MACROD2: variants seen among roughly 807,000 people sequenced by gnomAD.
The protein encoded by MACROD2 is ADP-ribose glycohydrolase MACROD2.
A neutral mutation model predicts 70.4 loss-of-function variants in MACROD2; 36 were observed. The ratio of observed to expected loss-of-function variants is 0.51; its 90% CI spans 0.39 to 0.68. The LOEUF is 0.68. Ranked by LOEUF, MACROD2 falls within the 30% of genes least tolerant of loss-of-function variation. MACROD2 has a pLI of 0.00. For missense variants in MACROD2, 496 were observed against 538.4 expected (o/e 0.92, Z 0.78); for synonymous variants, 172 against 178.8 (o/e 0.96, Z 0.30).
At chr20:15,923,354 T>C (rs563804706) in intron 10 of MACROD2, among the ~76,000 whole-genome samples, 2 of 152,242 alleles carry the variant, frequency 1.3e-5, no homozygotes, top group Admixed American at 6.5e-5. Context: ...ACCCATCAGA[T>C]CTCATGAGAC....
chr20:15,283,904 C>G (rs534725659), intron 6 of MACROD2, among the ~76,000 whole-genome samples: 27 of 152,184 alleles, frequency 1.8e-4, no homozygotes, highest in African/African-American at 6.5e-4. Context: ...ATGGTCATCT[C>G]CTTTCCTAAA....
intron 5 of MACROD2, among the ~76,000 whole-genome samples, chr20:14,947,642 C>T (rs374287606): frequency 5.3e-5 from 8 of 152,166 alleles, no homozygotes; most frequent in Admixed American, 4.6e-4. Context: ...GCCTACCCCC[C>T]ACCCTGCAGA....
rs1400273303 is a variant in MACROD2, at chr20:15,233,636, T to C, written c.540+3575T>C. On this transcript the variant is annotated intron_variant, in intron 6 of 17. Coordinates refer to ENST00000684519, the MANE Select transcript of MACROD2 (RefSeq NM_001351661.2). ...TCCATGCATTGTTTGTAACAGCTGT[T>C]TTTTCATACCTATCCACATTTGCTT... Among the ~76,000 whole-genome samples, 5 of 152,116 alleles carry C rather than the reference T, an allele frequency of 3.3e-5. No individual in the cohort carries two copies. The East Asian group carries it at 9.7e-4, about 29-fold the overall frequency.
rs372577604 is a variant in MACROD2 at position 14,890,951 on chromosome 20, T to TTTCCTTCCTTCCTTCCTTCC, written c.418+206014_418+206033dup. Among the ~76,000 whole-genome samples, 105 of 105,750 alleles carry TTTCCTTCCTTCCTTCCTTCC rather than the reference T, an allele frequency of 9.9e-4. 2 individuals are homozygous for TTTCCTTCCTTCCTTCCTTCC. Among genetic ancestry groups the TTTCCTTCCTTCCTTCCTTCC allele is most frequent in the South Asian group, 1.6e-3 (5 of 3,096 alleles). 69.4% of individuals were successfully genotyped at this position (105,750 alleles called of 152,430 possible). On this transcript the variant is annotated intron_variant, in intron 5 of 17. Coordinates refer to ENST00000684519, the MANE Select transcript of MACROD2 (RefSeq NM_001351661.2). ...GACAAATAGGGATCTTCTTTCTCTT[T>TTTCCTTCCTTCCTTCCTTCC]TTCCTTCCTTCCTTCCTTCCTTCCT...
intron 5 of MACROD2, among the ~76,000 whole-genome samples, chr20:15,099,615 G>A (rs1451580371): frequency 4.6e-5 from 7 of 152,096 alleles, no homozygotes; most frequent in Non-Finnish European, 7.4e-5. Flanking sequence ...GACAATAATC[G>A]GTACTGAGAA....
At chr20:14,092,336 C>T (rs2054161454) in intron 3 of MACROD2, among the ~76,000 whole-genome samples, 1 of 152,020 alleles carries the variant, frequency 6.6e-6, no homozygotes, top group African/African-American at 2.4e-5. Context: ...TATCTTTTGC[C>T]ATTTTGTAAT....
chr20:14,071,509 C>CT (rs1355888906), intron 2 of MACROD2, among the ~76,000 whole-genome samples: 1 of 151,986 alleles, frequency 6.6e-6, no homozygotes, highest in African/African-American at 2.4e-5. Flanking sequence ...ATCCACCTAC[C>CT]TCGGCCTCCC....
chr20:15,483,114 T>C (rs1813072058), intron 7 of MACROD2, among the ~76,000 whole-genome samples: 1 of 152,214 alleles, frequency 6.6e-6, no homozygotes, highest in Non-Finnish European at 1.5e-5. Flanking sequence ...GTATTTGGTG[T>C]CATATCTAAA....
At chr20:14,218,530 G>A (rs1015639555) in intron 3 of MACROD2, among the ~76,000 whole-genome samples, 1 of 152,110 alleles carries the variant, frequency 6.6e-6, no homozygotes, top group Non-Finnish European at 1.5e-5. Flanking sequence ...TGAAATGTGA[G>A]GTACCATTGC....
At chr20:15,868,803 C>T (rs1017246682) in intron 9 of MACROD2, among the ~76,000 whole-genome samples, 3 of 152,148 alleles carry the variant, frequency 2.0e-5, no homozygotes, top group East Asian at 1.9e-4. Context: ...GAGTCAGGGT[C>T]GTACTCTGTC....
At chr20:15,457,380 T>G (rs1413346016) in intron 7 of MACROD2, among the ~76,000 whole-genome samples, 1 of 152,142 alleles carries the variant, frequency 6.6e-6, no homozygotes, top group East Asian at 1.9e-4. Flanking sequence ...TCCTTGTTCT[T>G]TCTGAGAGTT....
intron 5 of MACROD2, among the ~76,000 whole-genome samples, chr20:14,969,152 A>G (rs1013540936): frequency 1.3e-5 from 2 of 149,022 alleles, no homozygotes; most frequent in African/African-American, 5.1e-5. Flanking sequence ...TATAGCACCT[A>G]TCTCCAGTTT....
At chr20:15,323,886 A>ATG (rs2077898729) in intron 6 of MACROD2, among the ~76,000 whole-genome samples, 1 of 152,114 alleles carries the variant, frequency 6.6e-6, no homozygotes, top group Non-Finnish European at 1.5e-5. Context: ...AGGGAATGCC[A>ATG]TGTAGACCTC....
At chr20:14,171,191 A>T (rs1376860420) in intron 3 of MACROD2, among the ~76,000 whole-genome samples, 1 of 152,044 alleles carries the variant, frequency 6.6e-6, no homozygotes, top group East Asian at 1.9e-4. Context: ...CAGTTGTAAT[A>T]TCTCCCATTT....
At chr20:15,347,134 G>T (rs900512442) in intron 6 of MACROD2, among the ~76,000 whole-genome samples, 1 of 152,142 alleles carries the variant, frequency 6.6e-6, no homozygotes, top group African/African-American at 2.4e-5. Flanking sequence ...TTTGGAACTT[G>T]CAGCTCTCTA....
rs144886231 is a variant in MACROD2 at position 15,469,259 on chromosome 20, A to T, written c.572-30515A>T. Among the ~76,000 whole-genome samples the T allele has an allele frequency of 1.5e-3, 229 of 152,358 alleles. 2 individuals carry two copies. The highest frequency in any genetic ancestry group is 5.4e-3 in the African/African-American group (224 of 41,586). ...AATCTGTTGATTGGCATAGTCAGAG[A>T]TGAGCAAAAGAAAGGAGGTGGGAAA... On this transcript the variant is annotated intron_variant, in intron 7 of 17. Transcript: ENST00000684519.
Position 14,841,142 on chromosome 20 carries a change from G to A in MACROD2, c.418+156183G>A, listed in dbSNP as rs1386115925. Among the ~76,000 whole-genome samples, 3 of 151,948 alleles carry A rather than the reference G, an allele frequency of 2.0e-5. No individual in the cohort carries two copies. In the East Asian group the frequency reaches 5.8e-4, roughly 29 times the overall value. ...GAAATATTCCCATTGATATCTCTGT[G>A]CATTTAAACAATTGTGAAAATAGAG... On this transcript the variant is annotated intron_variant, in intron 5 of 17. Transcript: ENST00000684519.
In MACROD2 at chr20:14,093,278, C is replaced by T. The variant is rs549215754; in HGVS notation, c.271+7550C>T. 7.0e-4 allele frequency among the ~76,000 whole-genome samples: 107 copies of T among 151,800 alleles called. 1 individual carries two copies. The highest frequency in any genetic ancestry group is 2.5e-3 in the African/African-American group (104 of 41,400). On this transcript the variant is annotated intron_variant, in intron 3 of 17. Coordinates refer to ENST00000684519, the MANE Select transcript of MACROD2 (RefSeq NM_001351661.2). ...TTTTTTTTTTTTTCTGTAGAGACAG[C>T]ATCCTGCTATGTTTCCTAGGGTGGT...
chr20:14,523,666 G>C (rs2123184010), intron 4 of MACROD2, among the ~76,000 whole-genome samples: 1 of 152,276 alleles, frequency 6.6e-6, no homozygotes, highest in East Asian at 1.9e-4. Context: ...TGGACCTCTA[G>C]TTACACTTCA....
Sources: allele counts gnomAD v4.1 joint callset (sites outside exome capture counted in the v4.1 genomes callset), GRCh38; gene constraint gnomAD v4.1.1; transcripts MANE v1.5; gene names NCBI Gene and HGNC (gene_info 2026-07-23, HGNC 2026-07-21).